Variants in CASQ2 observed in about 807,000 individuals in gnomAD.
CASQ2 encodes the protein calsequestrin 2, also known as calsequestrin-2.
A neutral mutation model predicts 46.5 loss-of-function variants in CASQ2; 49 were observed. That is an observed-to-expected ratio of 1.05 (90% CI 0.84 to 1.34). CASQ2 has a LOEUF of 1.34. CASQ2 is among the 40% of genes most tolerant of loss of function. The probability of loss-of-function intolerance (pLI) is 0.00; values close to 1 mark genes in which losing one functional copy is unlikely to be tolerated. For synonymous variants in CASQ2, 174 were observed against 168.5 expected (o/e 1.03, Z -0.25); for missense variants, 486 against 481.3 (o/e 1.01, Z -0.09).
chr1:115,728,831 C>A (rs1384793116), intron 5 of CASQ2, among the ~76,000 whole-genome samples: 1 of 152,070 alleles, frequency 6.6e-6, no homozygotes, highest in African/African-American at 2.4e-5. Flanking sequence ...GTCAAACCCG[C>A]CTGGTGGTGG....
At chr1:115,757,516 A>G (rs9428221) in intron 1 of CASQ2, among the ~76,000 whole-genome samples, 57,292 of 152,090 alleles carry the variant, frequency 0.38, 12,525 homozygotes, top group Non-Finnish European at 0.5. Flanking sequence ...TTCCCTCCCC[A>G]GCGTTTCCAC....
chr1:115,701,420 T>C lies in CASQ2; in HGVS notation c.1021A>G (p.Ser341Gly), dbSNP rs894946581. The C allele has an allele frequency of 6.2e-7, 1 of 1,610,648 alleles. No homozygotes were observed. The highest frequency in any genetic ancestry group is 1.3e-5 in the African/African-American group (1 of 74,836). The change falls in exon 11 of 11, where the codon AGT (serine) becomes GGT (glycine). Residue 341 changes from serine to glycine, a missense_variant. Physicochemically the swap from Ser to Gly is moderately conservative, Grantham distance 56. Transcript: ENST00000261448. Reference sequence around the variant, plus strand: ...TCATCTGGAATCTCCATCCAGACACTGTCAGCCTGCAGTGAGGGACAAAAT... The same window carrying C: ...TCATCTGGAATCTCCATCCAGACACCGTCAGCCTGCAGTGAGGGACAAAAT... ...IGVVNVTDAD[S>G]VWMEIPDDDD...
At chr1:115,740,897 G>T (rs1648153594) in intron 2 of CASQ2, 69 bp from the exon 3 acceptor site, 4 of 1,098,024 alleles carry the variant, frequency 3.6e-6, no homozygotes, top group East Asian at 2.4e-5. Context: ...ATTGGCTGAG[G>T]TCTGGCTGAG....
chr1:115,759,803 G>GTTCTTAGA lies in CASQ2; in HGVS notation c.234+8497_234+8504dup, dbSNP rs1648878605. 5.9e-5 allele frequency among the ~76,000 whole-genome samples: 9 copies of GTTCTTAGA among 152,092 alleles called. No homozygotes were observed. The South Asian group carries it at 1.9e-3, about 32-fold the overall frequency. On this transcript the variant is annotated intron_variant, in intron 1 of 10. Transcript: ENST00000261448. ...TATCCCACTTCCATCTACCTTCAGGGTTCTTAGATTTGCCATCTCTTTTGG... is the reference window on the plus strand; with the variant it reads ...TATCCCACTTCCATCTACCTTCAGGGTTCTTAGATTCTTAGATTTGCCATCTCTTTTGG...
At chr1:115,762,154 C>G (rs1026414663) in intron 1 of CASQ2, among the ~76,000 whole-genome samples, 2 of 152,174 alleles carry the variant, frequency 1.3e-5, no homozygotes, top group East Asian at 3.9e-4. Context: ...GGTTCAACTT[C>G]CAAGAAGATA....
chr1:115,741,255 G>T (rs1648165896), intron 2 of CASQ2, among the ~76,000 whole-genome samples: 1 of 152,118 alleles, frequency 6.6e-6, no homozygotes, highest in Non-Finnish European at 1.5e-5. Flanking sequence ...TTTGAGAACT[G>T]CTCTCTTGTC....
rs1161746024 is a variant in CASQ2 at position 115,704,367 on chromosome 1, T to C, written c.939+825A>G. 2.6e-5 allele frequency among the ~76,000 whole-genome samples: 4 copies of C among 152,228 alleles called. 1 individual carries two copies. The highest frequency in any genetic ancestry group is 9.7e-5 in the African/African-American group (4 of 41,444). On this transcript the variant is annotated intron_variant, in intron 9 of 10. Coordinates refer to ENST00000261448, the MANE Select transcript of CASQ2 (RefSeq NM_001232.4). ...TAGACCTAGATTGGAATATCACATC[T>C]ATCACTCACTAGCTTTAACCTCCCC...
chr1:115,749,263 C>A (rs1648492194), intron 1 of CASQ2, among the ~76,000 whole-genome samples: 1 of 152,148 alleles, frequency 6.6e-6, no homozygotes, highest in African/African-American at 2.4e-5. Context: ...TACGCACTAC[C>A]ATGTTTTATT....
At chr1:115,721,069 C>A (rs918136831) in intron 7 of CASQ2, among the ~76,000 whole-genome samples, 1 of 152,156 alleles carries the variant, frequency 6.6e-6, no homozygotes, top group African/African-American at 2.4e-5. Flanking sequence ...AAGAAAAATG[C>A]GGTTAAAATA....
chr1:115,710,050 T>C (rs1654491566), intron 8 of CASQ2, among the ~76,000 whole-genome samples: 1 of 152,162 alleles, frequency 6.6e-6, no homozygotes, highest in Non-Finnish European at 1.5e-5. Context: ...CTCTGTGTTG[T>C]CCAGGCTCAT....
intron 1 of CASQ2, among the ~76,000 whole-genome samples, chr1:115,754,229 G>A (rs779257386): frequency 4.6e-5 from 7 of 152,166 alleles, no homozygotes; most frequent in Admixed American, 6.5e-5. Context: ...ATGAAGGGAC[G>A]GCTATTTTAT....
At chr1:115,708,397 C>T (rs1010679058) in intron 8 of CASQ2, among the ~76,000 whole-genome samples, 1 of 152,130 alleles carries the variant, frequency 6.6e-6, no homozygotes, top group African/African-American at 2.4e-5. Context: ...ATGTCTCTGA[C>T]CCCAAATACT....
intron 1 of CASQ2, among the ~76,000 whole-genome samples, chr1:115,750,150 G>C (rs1229354813): frequency 6.6e-6 from 1 of 152,176 alleles, no homozygotes; most frequent in Non-Finnish European, 1.5e-5. Flanking sequence ...GTGAGCCAAG[G>C]AGTTAGAAGC....
intron 8 of CASQ2, among the ~76,000 whole-genome samples, chr1:115,716,965 G>C (rs935327734): frequency 6.6e-6 from 1 of 152,166 alleles, no homozygotes; most frequent in African/African-American, 2.4e-5. Context: ...GAGATGATTG[G>C]ATCGTGGGGG....
chr1:115,711,495 A>G (rs1654542071), intron 8 of CASQ2, among the ~76,000 whole-genome samples: 1 of 152,096 alleles, frequency 6.6e-6, no homozygotes, highest in African/African-American at 2.4e-5. Context: ...GGTTGGGCAA[A>G]GTGTGTAGGG....
chr1:115,767,737 G>GA (rs1195280443), intron 1 of CASQ2, among the ~76,000 whole-genome samples: 3 of 151,966 alleles, frequency 2.0e-5, no homozygotes, highest in Non-Finnish European at 2.9e-5. Flanking sequence ...AACTTTCTGA[G>GA]AAAAAAAATC....
intron 1 of CASQ2, among the ~76,000 whole-genome samples, chr1:115,752,821 G>A (rs1376393615): frequency 6.6e-6 from 1 of 152,216 alleles, no homozygotes; most frequent in Non-Finnish European, 1.5e-5. Flanking sequence ...AGAAAGGAGA[G>A]TGGAAAGGAA....
intron 8 of CASQ2, among the ~76,000 whole-genome samples, chr1:115,707,335 T>A (rs1426348252): frequency 6.6e-6 from 1 of 152,044 alleles, no homozygotes. Flanking sequence ...CTAGAAGGGG[T>A]CTTTATGGCC....
intron 8 of CASQ2, among the ~76,000 whole-genome samples, chr1:115,714,858 G>GC (rs2101065872): frequency 1.3e-5 from 2 of 152,320 alleles, no homozygotes; most frequent in East Asian, 3.9e-4. Context: ...CCCAGTACAA[G>GC]CCCCAGCTTG....
Sources: allele counts gnomAD v4.1 joint callset (sites outside exome capture counted in the v4.1 genomes callset), GRCh38; gene constraint gnomAD v4.1.1; transcripts MANE v1.5; gene names NCBI Gene and HGNC (gene_info 2026-07-23, HGNC 2026-07-21).